CDH18: variants seen among roughly 807,000 people sequenced by gnomAD.
The protein encoded by CDH18 is cadherin-18.
A neutral mutation model predicts 67.9 loss-of-function variants in CDH18; 31 were observed. The ratio of observed to expected loss-of-function variants is 0.46; its 90% confidence interval spans 0.34 to 0.62. The LOEUF (loss-of-function observed/expected upper bound fraction) is 0.62. CDH18 is among the 20% of genes least tolerant of loss of function. CDH18 has a pLI of 0.01. For missense variants in CDH18, 890 were observed against 975.5 expected (o/e 0.91, Z 1.17); for synonymous variants, 362 against 347.2 (o/e 1.04, Z -0.48).
At chr5:20,304,736 GA>G (rs1166105779) in intron 1 of CDH18, 2 of 1,611,248 alleles carry the variant, frequency 1.2e-6, no homozygotes, top group Non-Finnish European at 1.7e-6. Flanking sequence ...TTGTTGCCAT[GA>G]AACAAAAACG....
chr5:19,670,112 G>C (rs1758534184), intron 5 of CDH18, among the ~76,000 whole-genome samples: 1 of 148,498 alleles, frequency 6.7e-6, no homozygotes, highest in Non-Finnish European at 1.5e-5. Flanking sequence ...TACAGATCTG[G>C]GAAACAATAC....
intron 1 of CDH18, among the ~76,000 whole-genome samples, chr5:20,538,195 T>G (rs1581168887): frequency 6.6e-6 from 1 of 151,954 alleles, no homozygotes; most frequent in African/African-American, 2.4e-5. Context: ...AAAGTCAAAA[T>G]CCACAATTCA....
chr5:20,483,447 C>G (rs969058383), intron 1 of CDH18, among the ~76,000 whole-genome samples: 3 of 151,884 alleles, frequency 2.0e-5, no homozygotes, highest in African/African-American at 7.2e-5. Context: ...CTACCAAAGA[C>G]TCAGAATAGC....
chr5:19,813,823 C>T (rs1283465291), intron 3 of CDH18, among the ~76,000 whole-genome samples: 4 of 151,934 alleles, frequency 2.6e-5, no homozygotes, highest in Admixed American at 6.6e-5. Flanking sequence ...ATTATTGACA[C>T]TAATGTGCCA....
At chr5:20,551,368 T>G (rs1757623796) in intron 1 of CDH18, among the ~76,000 whole-genome samples, 1 of 152,206 alleles carries the variant, frequency 6.6e-6, no homozygotes, top group African/African-American at 2.4e-5. Context: ...TTTTTACTTC[T>G]TCAAAGGGGA....
At chr5:20,498,095 G>A (rs1462275680) in intron 1 of CDH18, among the ~76,000 whole-genome samples, 1 of 152,060 alleles carries the variant, frequency 6.6e-6, no homozygotes, top group Non-Finnish European at 1.5e-5. Context: ...CCAGAAATGT[G>A]AAAAATATTT....
At chr5:20,428,706 T>G (rs1330503322) in intron 1 of CDH18, among the ~76,000 whole-genome samples, 1 of 152,166 alleles carries the variant, frequency 6.6e-6, no homozygotes, top group Admixed American at 6.5e-5. Flanking sequence ...GATGATGCAC[T>G]TTTTTTCATA....
intron 2 of CDH18, among the ~76,000 whole-genome samples, chr5:20,105,411 C>A (rs917986731): frequency 6.6e-6 from 1 of 152,234 alleles, no homozygotes; most frequent in East Asian, 1.9e-4. Context: ...ATGTTGTACA[C>A]GTAATATTTC....
chr5:20,233,189 TTATATTAGTA>T (rs1742209357), intron 2 of CDH18, among the ~76,000 whole-genome samples: 1 of 150,768 alleles, frequency 6.6e-6, no homozygotes, highest in African/African-American at 2.4e-5. Context: ...ACTTTAAATA[TTATATTAGTA>T]TATAAGTATT....
At chr5:19,505,969 G>A (rs1202401321) in intron 10 of CDH18, among the ~76,000 whole-genome samples, 1 of 151,976 alleles carries the variant, frequency 6.6e-6, no homozygotes, top group Non-Finnish European at 1.5e-5. Context: ...TGGTTTGTAG[G>A]CTATTAATTA....
chr5:19,497,445 T>C (rs1428152466), intron 11 of CDH18, among the ~76,000 whole-genome samples: 1 of 151,942 alleles, frequency 6.6e-6, no homozygotes, highest in Non-Finnish European at 1.5e-5. Flanking sequence ...AAAACCTAGG[T>C]CCAAAATAAA....
At chr5:20,368,040 CA>C (rs891688439) in intron 1 of CDH18, among the ~76,000 whole-genome samples, 1 of 151,876 alleles carries the variant, frequency 6.6e-6, no homozygotes, top group Non-Finnish European at 1.5e-5. Context: ...TTCCACTGTG[CA>C]AAAAAAGGAT....
intron 2 of CDH18, among the ~76,000 whole-genome samples, chr5:20,122,522 G>C (rs1292229551): frequency 2.0e-5 from 3 of 152,060 alleles, no homozygotes; most frequent in African/African-American, 7.2e-5. Context: ...TTCCAGAAAT[G>C]TGTTAATTTG....
At chr5:20,214,471 A>T (rs545794346) in intron 2 of CDH18, among the ~76,000 whole-genome samples, 92 of 152,162 alleles carry the variant, frequency 6.0e-4, no homozygotes, top group Admixed American at 2.7e-3. Flanking sequence ...AAAACAGCAT[A>T]GTACTGTACA....
At chr5:20,499,741 T>C (rs1482384560) in intron 1 of CDH18, among the ~76,000 whole-genome samples, 1 of 152,136 alleles carries the variant, frequency 6.6e-6, no homozygotes, top group Non-Finnish European at 1.5e-5. Flanking sequence ...GCAAAGGCAG[T>C]TTGTTACATG....
At chr5:20,359,246 G>C (rs1213748331) in intron 1 of CDH18, among the ~76,000 whole-genome samples, 3 of 151,908 alleles carry the variant, frequency 2.0e-5, no homozygotes, top group Non-Finnish European at 4.4e-5. Context: ...GCCCTTTTCT[G>C]TATGTACATT....
At chr5:20,178,843 C>G (rs1876589) in intron 2 of CDH18, among the ~76,000 whole-genome samples, 20,481 of 151,972 alleles carry the variant, frequency 0.13, 2,188 homozygotes, top group African/African-American at 0.3. Context: ...AGTTAAGTGG[C>G]AGAACAAAAA....
At chr5:19,994,944 C>T (rs944478917) in intron 2 of CDH18, among the ~76,000 whole-genome samples, 7 of 148,696 alleles carry the variant, frequency 4.7e-5, no homozygotes, top group South Asian at 2.2e-4. Flanking sequence ...CCATGATCTG[C>T]GCCTGCAAGC....
At chr5:19,706,133 C>T (rs1411631368) in intron 5 of CDH18, among the ~76,000 whole-genome samples, 1 of 152,094 alleles carries the variant, frequency 6.6e-6, no homozygotes, top group Admixed American at 6.5e-5. Context: ...GTGGTTCATT[C>T]CACACAATTA....
Sources: allele counts gnomAD v4.1 joint callset (sites outside exome capture counted in the v4.1 genomes callset), GRCh38; gene constraint gnomAD v4.1.1; transcripts MANE v1.5; gene names NCBI Gene and HGNC (gene_info 2026-07-23, HGNC 2026-07-21).